ABAT: variants seen among roughly 807,000 people sequenced by gnomAD.
ABAT encodes the protein 4-aminobutyrate aminotransferase, mitochondrial.
In ABAT, 45 loss-of-function variants were observed where a neutral mutation model predicts 64.6. The ratio of observed to expected loss-of-function variants is 0.70; its 90% CI spans 0.55 to 0.89. The LOEUF is 0.89. ABAT is among the 40% of genes least tolerant of loss of function. The probability of loss-of-function intolerance (pLI) is 0.00; values close to 1 mark genes in which losing one functional copy is unlikely to be tolerated. For synonymous variants in ABAT, 297 were observed against 250.5 expected (o/e 1.19, Z -1.75); for missense variants, 633 against 658.4 (o/e 0.96, Z 0.42).
chr16:8,743,657 T>G (rs2012374405), intron 2 of ABAT, among the ~76,000 whole-genome samples: 1 of 128,716 alleles, frequency 7.8e-6, no homozygotes, highest in Non-Finnish European at 1.6e-5. Flanking sequence ...TAATATATAT[T>G]TTAGTTATAA....
Position 8,781,681 on chromosome 16 carries a change from T to C in ABAT, c.*251T>C. The stretch of plus-strand genomic sequence containing the variant: ...CAGAGATCCTGCTTGAGCCCTGGAC[T>C]CATCTTGGGAAGGGCCATGGGAGGT... On this transcript the variant is annotated 3_prime_UTR_variant, in exon 16 of 16. Coordinates refer to ENST00000268251, the MANE Select transcript of ABAT (RefSeq NM_020686.6). The surrounding 1 kb of genome is among the most constrained non-coding windows in gnomAD (Gnocchi z 4.5). 1 of 570,426 alleles carries C rather than the reference T, an allele frequency of 1.8e-6. No individual in the cohort carries two copies. The highest frequency in any genetic ancestry group is 1.9e-5 in the South Asian group (1 of 51,872). 35.3% of individuals were successfully genotyped at this position (570,426 alleles called of 1,614,324 possible).
rs551131123 is a variant in ABAT, at chr16:8,775,877, A to C, written c.1123-467A>C. On this transcript the variant is annotated intron_variant, in intron 13 of 15. Coordinates refer to ENST00000268251, the MANE Select transcript of ABAT (RefSeq NM_020686.6). ...TTCAGTTAGCCGCATGGCCACCCTAAATCATTCATGGAGGGGTAAAGTGGA... is the reference window on the plus strand; with the variant it reads ...TTCAGTTAGCCGCATGGCCACCCTACATCATTCATGGAGGGGTAAAGTGGA... 7.2e-5 allele frequency among the ~76,000 whole-genome samples: 11 copies of C among 152,234 alleles called. No homozygotes were observed. The East Asian group carries it at 1.9e-3, about 27-fold the overall frequency.
intron 9 of ABAT, among the ~76,000 whole-genome samples, chr16:8,767,616 A>G (rs913786261): frequency 2.0e-5 from 3 of 152,200 alleles, no homozygotes; most frequent in African/African-American, 7.2e-5. Flanking sequence ...GGGTCCAAAC[A>G]GTGCAGCACT....
At chr16:8,700,938 T>C (rs79960204) in intron 1 of ABAT, among the ~76,000 whole-genome samples, 8,744 of 150,030 alleles carry the variant, frequency 0.058, 827 homozygotes, top group African/African-American at 0.21. Context: ...TGCTTTGTTT[T>C]GTTTTTTCTC....
intron 9 of ABAT, among the ~76,000 whole-genome samples, chr16:8,766,829 T>C (rs1273405): frequency 0.99 from 150,896 of 152,186 alleles, 74,813 homozygotes; most frequent in Middle Eastern, 1. Context: ...ATTAGCCAGA[T>C]GTGGTGGCGG....
intron 1 of ABAT, among the ~76,000 whole-genome samples, chr16:8,731,168 G>A (rs1401703880): frequency 6.6e-6 from 1 of 152,076 alleles, no homozygotes; most frequent in Admixed American, 6.6e-5. Flanking sequence ...TTACTGTGTT[G>A]GCCATGCTGA....
rs1433742149 is a variant in ABAT at position 8,784,222 on chromosome 16, G to A, written c.*2792G>A. On this transcript the variant is annotated 3_prime_UTR_variant, in exon 16 of 16. Transcript: ENST00000268251. Reference sequence around the variant, plus strand: ...TGTCATCACTTTTACAGAAAACAAGGTCCAGTAATAGCAAGTCTTAGTACA... The same window carrying A: ...TGTCATCACTTTTACAGAAAACAAGATCCAGTAATAGCAAGTCTTAGTACA... 1 of 152,600 alleles carries A rather than the reference G, an allele frequency of 6.6e-6. No individual in the cohort carries two copies. Among genetic ancestry groups the A allele is most frequent in the African/African-American group, 2.4e-5 (1 of 41,438 alleles). 9.5% of individuals were successfully genotyped at this position (152,600 alleles called of 1,614,324 possible). A position where few individuals can be genotyped will look rare whatever the true frequency, so the allele number is the denominator to read the frequency against.
intron 1 of ABAT, among the ~76,000 whole-genome samples, chr16:8,678,075 T>C (rs2057246238): frequency 1.3e-5 from 2 of 151,928 alleles, no homozygotes; most frequent in African/African-American, 4.8e-5. Context: ...AAAAACAAAA[T>C]AAAAACCAAA....
At chr16:8,723,106 C>T (rs113713239) in intron 1 of ABAT, among the ~76,000 whole-genome samples, 1 of 151,926 alleles carries the variant, frequency 6.6e-6, no homozygotes, top group Non-Finnish European at 1.5e-5. Context: ...GGTGGCGTGC[C>T]CCTGTAATCC....
intron 1 of ABAT, among the ~76,000 whole-genome samples, chr16:8,700,433 G>A (rs750446714): frequency 7.9e-5 from 12 of 152,050 alleles, no homozygotes; most frequent in Non-Finnish European, 1.3e-4. Context: ...GATCTAGACC[G>A]TCCCCAGCCC....
intron 15 of ABAT, 24 bp downstream of exon 15, chr16:8,779,614 G>C: frequency 1.9e-6 from 3 of 1,581,858 alleles, no homozygotes; most frequent in Non-Finnish European, 2.6e-6. Flanking sequence ...AGTGGCTGCT[G>C]AGTTTCATGA....
chr16:8,690,323 C>T (rs1177522004), intron 1 of ABAT, among the ~76,000 whole-genome samples: 1 of 152,166 alleles, frequency 6.6e-6, no homozygotes, highest in Non-Finnish European at 1.5e-5. Flanking sequence ...AACTGTTTCT[C>T]CTCATTCACC....
intron 5 of ABAT, among the ~76,000 whole-genome samples, chr16:8,753,692 AGT>A (rs947944912): frequency 2.0e-5 from 3 of 152,142 alleles, no homozygotes; most frequent in African/African-American, 7.2e-5. Context: ...AGAAACCCAG[AGT>A]GTTCCTTTCT....
chr16:8,739,065 A>G (rs756243990), intron 2 of ABAT, among the ~76,000 whole-genome samples: 1 of 152,260 alleles, frequency 6.6e-6, no homozygotes, highest in Non-Finnish European at 1.5e-5. Flanking sequence ...AGAGTCTGGC[A>G]CAGATGATCC....
At chr16:8,744,072 A>G (rs755464868) in intron 2 of ABAT, among the ~76,000 whole-genome samples, 1 of 152,202 alleles carries the variant, frequency 6.6e-6, no homozygotes, top group Non-Finnish European at 1.5e-5. Context: ...CACCCTCTGT[A>G]AACTCATTAC....
intron 5 of ABAT, among the ~76,000 whole-genome samples, chr16:8,754,865 C>T (rs374668906): frequency 6.6e-6 from 1 of 151,910 alleles, no homozygotes; most frequent in East Asian, 1.9e-4. Flanking sequence ...ATTACAGGCA[C>T]CTGCCACCAC....
At chr16:8,758,019 G>C (rs1397178451) in intron 6 of ABAT, among the ~76,000 whole-genome samples, 3 of 152,196 alleles carry the variant, frequency 2.0e-5, no homozygotes, top group African/African-American at 4.8e-5. Context: ...CCACACACAT[G>C]AATAGAGAAT....
intron 11 of ABAT, 98 bp downstream of exon 11, chr16:8,769,071 TG>T: frequency 1.3e-6 from 2 of 1,545,118 alleles, no homozygotes; most frequent in Admixed American, 3.4e-5. Flanking sequence ...AGGGTTTATC[TG>T]GGGATCTGTG....
chr16:8,769,103 GC>G lies in ABAT; in HGVS notation c.816+131del, dbSNP rs2060028239. 4 of 1,312,664 alleles carry G rather than the reference GC, an allele frequency of 3.0e-6. No individual in the cohort carries two copies. The East Asian group carries it at 9.7e-5, about 32-fold the overall frequency. The allele number at this position is 1,312,664 out of a possible 1,614,324, so 81.3% of individuals were successfully genotyped here. ...CTGTGCAGTGCTCCCCCAGAGGGAAGCAGGGACACAGAGGCCTTGCGTCCCA... is the reference window on the plus strand; with the variant it reads ...CTGTGCAGTGCTCCCCCAGAGGGAAGAGGGACACAGAGGCCTTGCGTCCCA... On this transcript the variant is annotated intron_variant, in intron 11 of 15. Transcript: ENST00000268251.
Sources: allele counts gnomAD v4.1 joint callset (sites outside exome capture counted in the v4.1 genomes callset), GRCh38; gene constraint gnomAD v4.1.1; non-coding constraint Gnocchi (gnomAD v3.1); transcripts MANE v1.5; gene names NCBI Gene and HGNC (gene_info 2026-07-23, HGNC 2026-07-21).